GREB1L: variants seen among roughly 807,000 people sequenced by gnomAD.
GREB1L encodes GREB1-like protein.
In GREB1L, 17 loss-of-function variants were observed where a neutral mutation model predicts 200.8. The ratio of observed to expected loss-of-function variants is 0.08; its 90% CI spans 0.06 to 0.13. The LOEUF is 0.13. Ranked by LOEUF, GREB1L falls within the 10% of genes least tolerant of loss-of-function variation. The pLI is 1.00. For synonymous variants in GREB1L, 789 were observed against 893.0 expected, an observed-to-expected ratio of 0.88 and a Z score of 2.08; for missense variants, 1,657 against 2,367.7, an observed-to-expected ratio of 0.70 and a Z score of 6.23.
At chr18:21,521,371 CA>C (rs35132178) in intron 32 of GREB1L, among the ~76,000 whole-genome samples, 3,471 of 120,682 alleles carry the variant, frequency 0.029, 126 homozygotes, top group African/African-American at 0.092. Flanking sequence ...AACTCCATCT[CA>C]AAAAAAAAAA....
At chr18:21,266,269 T>C (rs1431999914) in intron 1 of GREB1L, among the ~76,000 whole-genome samples, 3 of 152,078 alleles carry the variant, frequency 2.0e-5, no homozygotes, top group African/African-American at 7.2e-5. Flanking sequence ...AGGAGGAGAA[T>C]GATTAGGATG....
intron 1 of GREB1L, among the ~76,000 whole-genome samples, chr18:21,353,181 CAAAA>C (rs1236564333): frequency 9.5e-6 from 1 of 105,784 alleles, no homozygotes; most frequent in African/African-American, 4.0e-5. Context: ...GACTCTGTCT[CAAAA>C]AAAAAAAAAG....
At chr18:21,451,711 C>T (rs2034535095) in intron 13 of GREB1L, among the ~76,000 whole-genome samples, 1 of 151,876 alleles carries the variant, frequency 6.6e-6, no homozygotes, top group African/African-American at 2.4e-5. Flanking sequence ...CCAGACTGGA[C>T]TCCAGCTCCT....
At chr18:21,470,229 A>T (rs2035428289) in intron 15 of GREB1L, among the ~76,000 whole-genome samples, 1 of 152,208 alleles carries the variant, frequency 6.6e-6, no homozygotes, top group African/African-American at 2.4e-5. Context: ...TCAAGGCCAC[A>T]GTGAGATGTG....
chr18:21,373,304 G>C (rs1362484785), intron 2 of GREB1L, among the ~76,000 whole-genome samples: 1 of 152,076 alleles, frequency 6.6e-6, no homozygotes, highest in African/African-American at 2.4e-5. Context: ...GGGTTACAAA[G>C]TGATAATTTT....
At position 21,525,935 on chromosome 18, in the gene GREB1L, G is replaced by GT. The variant is rs1482734017; in HGVS notation, c.*3115dup. ...CCCTCAGGAAGGGCAATAAATATTTGTAAGTGTAATGACAGACTTTCAGAG... is the reference window on the plus strand; with the variant it reads ...CCCTCAGGAAGGGCAATAAATATTTGTTAAGTGTAATGACAGACTTTCAGAG... On this transcript the variant is annotated 3_prime_UTR_variant, in exon 33 of 33. Coordinates refer to ENST00000424526, the MANE Select transcript of GREB1L (RefSeq NM_001142966.3). Among the ~76,000 whole-genome samples the GT allele has an allele frequency of 6.6e-6, 1 of 152,162 alleles. No homozygotes were observed. The highest frequency in any genetic ancestry group is 2.4e-5 in the African/African-American group (1 of 41,434).
intron 7 of GREB1L, among the ~76,000 whole-genome samples, chr18:21,409,998 A>G (rs2030764907): frequency 6.6e-6 from 1 of 152,120 alleles, no homozygotes. Context: ...CTGGAAATAA[A>G]TGTTATTTGA....
At chr18:21,410,338 A>G (rs1251360511) in intron 7 of GREB1L, among the ~76,000 whole-genome samples, 1 of 152,000 alleles carries the variant, frequency 6.6e-6, no homozygotes, top group African/African-American at 2.4e-5. Flanking sequence ...AACTGTCAGT[A>G]TAAAGGTGAA....
chr18:21,360,655 A>C (rs1278751453), intron 1 of GREB1L, among the ~76,000 whole-genome samples: 3 of 152,258 alleles, frequency 2.0e-5, no homozygotes, highest in Admixed American at 6.5e-5. Flanking sequence ...CATTTGGTGC[A>C]AAGTGTTAAT....
intron 1 of GREB1L, among the ~76,000 whole-genome samples, chr18:21,352,419 A>G (rs2039446960): frequency 6.6e-6 from 1 of 151,636 alleles, no homozygotes; most frequent in African/African-American, 2.4e-5. Context: ...TTAAGTTTGC[A>G]GTGTGCTTTT....
chr18:21,248,228 G>A (rs2037640056), intron 1 of GREB1L, among the ~76,000 whole-genome samples: 1 of 152,126 alleles, frequency 6.6e-6, no homozygotes, highest in African/African-American at 2.4e-5. Flanking sequence ...GAGTTCTGGT[G>A]GACAAGAAAG....
intron 15 of GREB1L, among the ~76,000 whole-genome samples, chr18:21,457,857 GT>G (rs1236651949): frequency 2.0e-5 from 3 of 151,062 alleles, no homozygotes; most frequent in African/African-American, 7.3e-5. Context: ...AAAACAGAAA[GT>G]TTTTAAGAAA....
chr18:21,365,154 TG>T, intron 1 of GREB1L, among the ~76,000 whole-genome samples: 1 of 152,032 alleles, frequency 6.6e-6, no homozygotes, highest in Non-Finnish European at 1.5e-5. Context: ...AAAAGTAAAA[TG>T]AAAAAAACCA....
intron 1 of GREB1L, among the ~76,000 whole-genome samples, chr18:21,256,342 G>A (rs183352671): frequency 2.0e-5 from 3 of 152,260 alleles, no homozygotes; most frequent in Non-Finnish European, 4.4e-5. Flanking sequence ...TAAGATCTTG[G>A]CAACATTAGA....
intron 21 of GREB1L, among the ~76,000 whole-genome samples, chr18:21,497,527 C>T (rs1324896671): frequency 3.3e-5 from 5 of 151,754 alleles, no homozygotes; most frequent in African/African-American, 1.2e-4. Context: ...GCCTGTAGTC[C>T]CAGCTACCCT....
chr18:21,284,890 A>G (rs1299035592), intron 1 of GREB1L, among the ~76,000 whole-genome samples: 1 of 152,160 alleles, frequency 6.6e-6, no homozygotes, highest in Non-Finnish European at 1.5e-5. Context: ...ATGAAGTAGT[A>G]TCCCATTGTG....
chr18:21,454,586 G>A (rs753593689), intron 15 of GREB1L, 23 bp downstream of exon 15: 13 of 1,527,840 alleles, frequency 8.5e-6, no homozygotes, highest in Non-Finnish European at 8.9e-6. Context: ...TTTCAAAGAG[G>A]AGCCCACCTA....
chr18:21,335,749 C>T (rs1408086822), intron 1 of GREB1L, among the ~76,000 whole-genome samples: 5 of 151,674 alleles, frequency 3.3e-5, no homozygotes, highest in East Asian at 1.9e-4. Flanking sequence ...CTGCAAGCTC[C>T]GCCTTCCGGG....
At chr18:21,369,392 T>C (rs2039790484) in intron 2 of GREB1L, among the ~76,000 whole-genome samples, 1 of 152,194 alleles carries the variant, frequency 6.6e-6, no homozygotes. Context: ...TTTGCTTCTT[T>C]GATCTTACAC....
Sources: gnomAD v4.1 joint callset for allele counts (sites outside exome capture counted in the v4.1 genomes callset) on GRCh38, gnomAD v4.1.1 for gene constraint, MANE v1.5 for transcripts, NCBI Gene and HGNC (gene_info 2026-07-23, HGNC 2026-07-21) for gene names.